NAALADL2: variants seen among roughly 807,000 people sequenced by gnomAD.
NAALADL2 encodes the protein inactive N-acetylated-alpha-linked acidic dipeptidase-like protein 2.
In NAALADL2, 76 loss-of-function variants were observed where a neutral mutation model predicts 87.2. The observed-to-expected ratio is 0.87, with a 90% CI of 0.72 to 1.05. NAALADL2 has a LOEUF of 1.05. Among genes scored for constraint, NAALADL2 ranks in the 50% least tolerant of loss-of-function variants. The probability of loss-of-function intolerance (pLI) is 0.00; values close to 1 mark genes in which losing one functional copy is unlikely to be tolerated. For missense variants in NAALADL2, 1,089 were observed against 945.8 expected, an observed-to-expected ratio of 1.15 and a Z score of -1.99; for synonymous variants, 354 against 331.0, an observed-to-expected ratio of 1.07 and a Z score of -0.75.
intron 3 of NAALADL2, among the ~76,000 whole-genome samples, chr3:174,756,089 C>A (rs1295606970): frequency 6.6e-5 from 10 of 152,198 alleles, no homozygotes; most frequent in African/African-American, 2.4e-4. Context: ...CATTTAGGGG[C>A]TCCACTAAGA....
rs139987475 is a variant in NAALADL2, at chr3:175,389,556, C to T, written c.1091-57673C>T. 3.3e-3 allele frequency among the ~76,000 whole-genome samples: 508 copies of T among 152,266 alleles called. 1 individual carries two copies. Among genetic ancestry groups the T allele is most frequent in the South Asian group, 0.01 (49 of 4,822 alleles). ...ATGGAGAGGTCATTGTTAATGCCCACAGTGAGGAGAAACATTAGTAAATGA... is the reference window on the plus strand; with the variant it reads ...ATGGAGAGGTCATTGTTAATGCCCATAGTGAGGAGAAACATTAGTAAATGA... On this transcript the variant is annotated intron_variant, in intron 5 of 13. Coordinates refer to ENST00000454872, the MANE Select transcript of NAALADL2 (RefSeq NM_207015.3).
At chr3:175,546,240 T>G (rs1370335806) in intron 9 of NAALADL2, among the ~76,000 whole-genome samples, 1 of 152,164 alleles carries the variant, frequency 6.6e-6, no homozygotes, top group South Asian at 2.1e-4. Context: ...TCCATTTTTT[T>G]GGTAGATTTT....
At chr3:174,739,325 C>G (rs1226066301) in intron 3 of NAALADL2, among the ~76,000 whole-genome samples, 7 of 151,980 alleles carry the variant, frequency 4.6e-5, no homozygotes, top group Non-Finnish European at 7.4e-5. Flanking sequence ...CTCTTAGAAT[C>G]TTGTCTAATG....
At chr3:175,694,754 C>A (rs1280778273) in intron 11 of NAALADL2, among the ~76,000 whole-genome samples, 2 of 152,088 alleles carry the variant, frequency 1.3e-5, no homozygotes, top group Non-Finnish European at 2.9e-5. Context: ...TTGCTATTAT[C>A]TCTGACTCCT....
intron 11 of NAALADL2, among the ~76,000 whole-genome samples, chr3:175,710,024 G>A (rs1740312741): frequency 2.0e-5 from 3 of 151,930 alleles, no homozygotes; most frequent in African/African-American, 4.8e-5. Context: ...ATTTTTGGCT[G>A]GTTTTCTTGT....
At chr3:174,805,878 C>T (rs1406319406) in intron 3 of NAALADL2, among the ~76,000 whole-genome samples, 3 of 148,718 alleles carry the variant, frequency 2.0e-5, no homozygotes, top group Non-Finnish European at 4.5e-5. Context: ...CATAAATTAT[C>T]TACAAGGCTT....
intron 2 of NAALADL2, among the ~76,000 whole-genome samples, chr3:175,175,980 A>T (rs1360851377): frequency 2.0e-5 from 3 of 152,032 alleles, no homozygotes; most frequent in Non-Finnish European, 4.4e-5. Context: ...ATACATTATG[A>T]TATGCTATTC....
At chr3:174,828,685 T>G (rs551375257) in intron 3 of NAALADL2, among the ~76,000 whole-genome samples, 8 of 152,322 alleles carry the variant, frequency 5.3e-5, no homozygotes, top group African/African-American at 1.9e-4. Flanking sequence ...TGTTTTCTGG[T>G]TCCTGAACTC....
intron 3 of NAALADL2, among the ~76,000 whole-genome samples, chr3:174,785,656 G>A (rs1385226379): frequency 1.3e-5 from 2 of 152,190 alleles, no homozygotes; most frequent in African/African-American, 4.8e-5. Context: ...TACACGTGAT[G>A]TTGTGTTGCT....
intron 3 of NAALADL2, among the ~76,000 whole-genome samples, chr3:174,740,571 G>A (rs895760684): frequency 1.3e-5 from 2 of 151,802 alleles, no homozygotes; most frequent in Non-Finnish European, 3.0e-5. Context: ...TGTGAATATT[G>A]CAGTTGTTTG....
chr3:175,646,400 C>A (rs1398731451), intron 11 of NAALADL2, among the ~76,000 whole-genome samples: 1 of 151,876 alleles, frequency 6.6e-6, no homozygotes, highest in Non-Finnish European at 1.5e-5. Context: ...TAAAATGTAC[C>A]CATTGTCTTC....
chr3:175,342,132 T>A (rs1209943403), intron 5 of NAALADL2, among the ~76,000 whole-genome samples: 1 of 152,166 alleles, frequency 6.6e-6, no homozygotes, highest in Non-Finnish European at 1.5e-5. Context: ...CTTGTTTTGA[T>A]AATTCTTGGT....
chr3:174,565,979 C>T (rs1714210982), intron 2 of NAALADL2, among the ~76,000 whole-genome samples: 1 of 151,620 alleles, frequency 6.6e-6, no homozygotes, highest in African/African-American at 2.4e-5. Context: ...GTCTATATGC[C>T]CTACTTTTTT....
intron 9 of NAALADL2, among the ~76,000 whole-genome samples, chr3:175,516,446 G>T (rs577306501): frequency 4.6e-5 from 7 of 152,254 alleles, no homozygotes; most frequent in African/African-American, 1.7e-4. Context: ...AAACTACTTC[G>T]TGATACCAGT....
intron 13 of NAALADL2, among the ~76,000 whole-genome samples, chr3:175,782,647 T>C (rs1751305724): frequency 7.3e-6 from 1 of 137,252 alleles, no homozygotes; most frequent in Non-Finnish European, 1.5e-5. Flanking sequence ...TTCTCCCATT[T>C]TGTAGGTTGC....
intron 13 of NAALADL2, among the ~76,000 whole-genome samples, chr3:175,757,011 T>C (rs1453432937): frequency 6.6e-6 from 1 of 151,428 alleles, no homozygotes; most frequent in East Asian, 1.9e-4. Flanking sequence ...TATATGTGTA[T>C]GTGTGTGTTT....
At chr3:174,568,333 G>A (rs1714531994) in intron 2 of NAALADL2, among the ~76,000 whole-genome samples, 2 of 151,764 alleles carry the variant, frequency 1.3e-5, no homozygotes, top group Non-Finnish European at 3.0e-5. Flanking sequence ...AGTTTTGTTA[G>A]TGGAATAGCA....
chr3:174,548,964 C>T (rs1027772795), intron 1 of NAALADL2, among the ~76,000 whole-genome samples: 1 of 152,164 alleles, frequency 6.6e-6, no homozygotes, highest in Non-Finnish European at 1.5e-5. Context: ...CCTCAGCCTC[C>T]CGAGTAGCTG....
chr3:174,590,557 G>A (rs966963731), intron 2 of NAALADL2, among the ~76,000 whole-genome samples: 1 of 152,046 alleles, frequency 6.6e-6, no homozygotes, highest in Non-Finnish European at 1.5e-5. Context: ...GTATAAGAGT[G>A]GCCTTATTGA....
Sources: allele counts gnomAD v4.1 joint callset (sites outside exome capture counted in the v4.1 genomes callset), GRCh38; gene constraint gnomAD v4.1.1; transcripts MANE v1.5; gene names NCBI Gene and HGNC (gene_info 2026-07-23, HGNC 2026-07-21).